Variants in SLC25A13 observed in about 807,000 individuals in gnomAD.
SLC25A13 encodes solute carrier family 25 member 13.
In SLC25A13, 70 loss-of-function variants were observed where a neutral mutation model predicts 85.5. The ratio of observed to expected loss-of-function variants is 0.82; its 90% CI spans 0.68 to 1.00. The LOEUF (loss-of-function observed/expected upper bound fraction) is 1.00. Among genes scored for constraint, SLC25A13 ranks in the 50% least tolerant of loss-of-function variants. SLC25A13 has a pLI of 0.00. For missense variants in SLC25A13, 765 were observed against 819.8 expected, an observed-to-expected ratio of 0.93 and a Z score of 0.82; for synonymous variants, 259 against 288.7, an observed-to-expected ratio of 0.90 and a Z score of 1.04.
chr7:96,264,017 C>T (rs199570942), intron 3 of SLC25A13, among the ~76,000 whole-genome samples: 2 of 152,252 alleles, frequency 1.3e-5, no homozygotes, highest in South Asian at 2.1e-4. Flanking sequence ...TTGCGTCCTA[C>T]CCAATGTCCT....
chr7:96,177,549 G>C (rs541687436), intron 11 of SLC25A13, among the ~76,000 whole-genome samples: 1 of 152,226 alleles, frequency 6.6e-6, no homozygotes, highest in Non-Finnish European at 1.5e-5. Flanking sequence ...TAATCTCTTT[G>C]TATCTTAGTT....
At chr7:96,321,867 GT>G in intron 1 of SLC25A13, 74 bp downstream of exon 1, 1 of 1,467,000 alleles carries the variant, frequency 6.8e-7, no homozygotes, top group African/African-American at 1.5e-5. Flanking sequence ...ACCCAGACAC[GT>G]GAGCGCCCGA....
chr7:96,301,229 G>C (rs986872869), intron 1 of SLC25A13, among the ~76,000 whole-genome samples: 1 of 152,106 alleles, frequency 6.6e-6, no homozygotes, highest in Admixed American at 6.5e-5. Context: ...TAGAAGCCTG[G>C]AATTATTAGA....
At chr7:96,264,347 G>T (rs550381052) in intron 3 of SLC25A13, among the ~76,000 whole-genome samples, 1 of 152,048 alleles carries the variant, frequency 6.6e-6, no homozygotes, top group Non-Finnish European at 1.5e-5. Flanking sequence ...TGTAGTATAC[G>T]AATCTCTCTC....
At position 96,156,641 on chromosome 7, in the gene SLC25A13, C is replaced by T. The variant is rs564262407; in HGVS notation, c.1312-9945G>A. Among the ~76,000 whole-genome samples the T allele has an allele frequency of 6.6e-5, 10 of 152,110 alleles. No individual in the cohort carries two copies. The East Asian group carries it at 9.7e-4, about 15-fold the overall frequency. ...TAATTTTTTGTGTTTTTAGTAGAGA[C>T]GGGGTTTCACTGTGTTAGCCACGAT... On this transcript the variant is annotated intron_variant, in intron 13 of 17. Transcript: ENST00000265631.
At chr7:96,290,146 C>A (rs1346790037) in intron 2 of SLC25A13, among the ~76,000 whole-genome samples, 2 of 152,142 alleles carry the variant, frequency 1.3e-5, no homozygotes, top group Non-Finnish European at 2.9e-5. Flanking sequence ...AAAGAATTTT[C>A]AACCCAGAAT....
chr7:96,256,676 C>A (rs1797649508), intron 3 of SLC25A13, among the ~76,000 whole-genome samples: 1 of 152,104 alleles, frequency 6.6e-6, no homozygotes, highest in Non-Finnish European at 1.5e-5. Context: ...AGAAAATTAA[C>A]AAGGATATTC....
At chr7:96,153,381 T>C (rs1020927602) in intron 13 of SLC25A13, among the ~76,000 whole-genome samples, 1 of 152,256 alleles carries the variant, frequency 6.6e-6, no homozygotes, top group African/African-American at 2.4e-5. Context: ...TACTGTGATC[T>C]GTAACACAGA....
At chr7:96,250,774 G>C (rs890154459) in intron 3 of SLC25A13, among the ~76,000 whole-genome samples, 14 of 132,420 alleles carry the variant, frequency 1.1e-4, no homozygotes, top group African/African-American at 4.0e-4. Flanking sequence ...AAATATTACA[G>C]TGGTCCTGGG....
chr7:96,131,092 G>A (rs992375122), intron 15 of SLC25A13, among the ~76,000 whole-genome samples: 4 of 152,164 alleles, frequency 2.6e-5, no homozygotes, highest in African/African-American at 9.7e-5. Flanking sequence ...ACCACTTGGA[G>A]AGCTAATCCA....
chr7:96,302,729 A>C (rs1411163019), intron 1 of SLC25A13, among the ~76,000 whole-genome samples: 2 of 152,168 alleles, frequency 1.3e-5, no homozygotes, highest in Non-Finnish European at 2.9e-5. Context: ...TTACAATGAA[A>C]ATAGGCAACT....
chr7:96,295,128 G>A (rs544144197), intron 2 of SLC25A13, among the ~76,000 whole-genome samples: 25 of 152,240 alleles, frequency 1.6e-4, no homozygotes, highest in Admixed American at 3.9e-4. Flanking sequence ...AGGCCAAGGC[G>A]TGCAGATCAC....
At chr7:96,288,586 C>T (rs534254298) in intron 2 of SLC25A13, among the ~76,000 whole-genome samples, 1 of 152,186 alleles carries the variant, frequency 6.6e-6, no homozygotes, top group Non-Finnish European at 1.5e-5. Context: ...CTGCGCTTTT[C>T]CAACGGTCTT....
intron 3 of SLC25A13, among the ~76,000 whole-genome samples, chr7:96,271,970 C>G (rs564632294): frequency 6.6e-6 from 1 of 152,230 alleles, no homozygotes; most frequent in East Asian, 1.9e-4. Flanking sequence ...ACTGCAGCCT[C>G]CAGCTCCTGG....
chr7:96,122,368 C>T (rs558748517), intron 15 of SLC25A13, among the ~76,000 whole-genome samples: 3 of 152,064 alleles, frequency 2.0e-5, no homozygotes, highest in African/African-American at 7.2e-5. Context: ...CAAAAACTTG[C>T]GAAGTTATTA....
At chr7:96,171,633 C>A (rs1794007272) in intron 11 of SLC25A13, 109 bp from the exon 12 acceptor site, 4 of 883,286 alleles carry the variant, frequency 4.5e-6, no homozygotes, top group South Asian at 1.5e-5. Context: ...ATCTCTGCTG[C>A]AATTTTCTGC....
At chr7:96,122,383 C>T (rs868844164) in intron 15 of SLC25A13, among the ~76,000 whole-genome samples, 39 of 151,992 alleles carry the variant, frequency 2.6e-4, no homozygotes, top group Non-Finnish European at 1.5e-4. Context: ...TTATTAGGTC[C>T]GATTTTTCAG....
At chr7:96,297,478 C>T (rs1194254815) in intron 1 of SLC25A13, among the ~76,000 whole-genome samples, 2 of 152,072 alleles carry the variant, frequency 1.3e-5, no homozygotes, top group East Asian at 3.9e-4. Context: ...GGATTGCAGG[C>T]GCGTACTACC....
chr7:96,186,575 G>C (rs906387621), intron 9 of SLC25A13, among the ~76,000 whole-genome samples: 20 of 152,116 alleles, frequency 1.3e-4, no homozygotes, highest in South Asian at 6.2e-4. Flanking sequence ...AAAAATTTGG[G>C]AAATATTCTA....
Sources: gnomAD v4.1 joint callset for allele counts (sites outside exome capture counted in the v4.1 genomes callset) on GRCh38, gnomAD v4.1.1 for gene constraint, MANE v1.5 for transcripts, NCBI Gene and HGNC (gene_info 2026-07-23, HGNC 2026-07-21) for gene names.